PARD6G: variants seen among roughly 807,000 people sequenced by gnomAD.
PARD6G encodes the protein par-6 family cell polarity regulator gamma.
Under a neutral mutation model 10.7 loss-of-function variants are expected in PARD6G, and 7 were observed. The observed-to-expected ratio is 0.66, with a 90% CI of 0.37 to 1.23. The LOEUF (loss-of-function observed/expected upper bound fraction) is 1.23, where lower values mean the gene tolerates loss of function less well. Ranked by LOEUF, PARD6G falls within the 50% of genes most tolerant of loss-of-function variation. The probability of loss-of-function intolerance (pLI) is 0.02; values close to 1 mark genes in which losing one functional copy is unlikely to be tolerated. For missense variants in PARD6G, 548 were observed against 571.8 expected (o/e 0.96, Z 0.42); for synonymous variants, 287 against 269.4 (o/e 1.07, Z -0.64).
intron 2 of PARD6G, among the ~76,000 whole-genome samples, chr18:80,186,363 TCG>T: frequency 3.1e-5 from 1 of 31,994 alleles, no homozygotes; most frequent in African/African-American, 1.1e-4. Context: ...TCACACATGC[TCG>T]CACACCCACA....
chr18:80,227,792 G>C (rs1967309054), intron 1 of PARD6G, among the ~76,000 whole-genome samples: 1 of 152,026 alleles, frequency 6.6e-6, no homozygotes. Context: ...ACCCCAGAAA[G>C]AGAAGAGCAT....
In PARD6G at chr18:80,157,933, T is replaced by C. The variant is rs1181567995; in HGVS notation, c.*1838A>G. On this transcript the variant is annotated 3_prime_UTR_variant, in exon 3 of 3. Coordinates refer to ENST00000353265, the MANE Select transcript of PARD6G (RefSeq NM_032510.4). ...GACAGTTCTGCCACTGACCAGCAGG[T>C]GGTGCTGGACCACAAGGAGAAGCAG... The C allele has an allele frequency of 6.6e-6, 1 of 152,338 alleles. No homozygotes were observed. The highest frequency in any genetic ancestry group is 1.5e-5 in the Non-Finnish European group (1 of 68,034). The allele number at this position is 152,338 out of a possible 1,614,324, so 9.4% of individuals were successfully genotyped here.
chr18:80,198,510 T>C (rs1212198085), intron 2 of PARD6G, among the ~76,000 whole-genome samples: 2 of 152,166 alleles, frequency 1.3e-5, no homozygotes. Context: ...AAATATCTCA[T>C]TTTTATTGGT....
chr18:80,236,978 G>T (rs1346144578), intron 1 of PARD6G, among the ~76,000 whole-genome samples: 1 of 151,882 alleles, frequency 6.6e-6, no homozygotes, highest in Admixed American at 6.6e-5. Flanking sequence ...ATGACTTTCT[G>T]CACAGAATTG....
intron 1 of PARD6G, among the ~76,000 whole-genome samples, chr18:80,219,291 C>T (rs1271589724): frequency 6.6e-6 from 1 of 152,206 alleles, no homozygotes; most frequent in African/African-American, 2.4e-5. Context: ...TCACTGCAAC[C>T]TCTGCCTCCC....
intron 2 of PARD6G, among the ~76,000 whole-genome samples, chr18:80,177,015 G>A (rs572094980): frequency 1.4e-4 from 14 of 96,956 alleles, no homozygotes; most frequent in East Asian, 9.4e-4. Context: ...AAGCACGTGC[G>A]CGCGCGCGTG....
At chr18:80,170,789 A>T (rs1156335390) in intron 2 of PARD6G, 1 of 152,246 alleles carries the variant, frequency 6.6e-6, no homozygotes, top group Non-Finnish European at 1.5e-5. Context: ...ATGGTGCATA[A>T]TTATTAACTT....
intron 1 of PARD6G, among the ~76,000 whole-genome samples, chr18:80,221,294 G>C (rs776978560): frequency 2.9e-4 from 44 of 152,136 alleles, no homozygotes; most frequent in Admixed American, 2.8e-3. Flanking sequence ...GTTATGAATA[G>C]AGACACAAAA....
chr18:80,209,673 G>A lies in PARD6G; in HGVS notation c.73-6741C>T, dbSNP rs572358686. Among the ~76,000 whole-genome samples the A allele has an allele frequency of 2.8e-4, 42 of 152,200 alleles. No homozygotes were observed. In the South Asian group the frequency reaches 7.5e-3, roughly 27 times the overall value. ...AGAAAAGTACAAAAATTAGCCAGGC[G>A]TGGTGGCACACGCCTGTAGTCTCAA... is the stretch of plus-strand genomic sequence containing the variant. On this transcript the variant is annotated intron_variant, in intron 1 of 2. Transcript: ENST00000353265.
chr18:80,229,353 C>G (rs1967333571), intron 1 of PARD6G, among the ~76,000 whole-genome samples: 1 of 152,248 alleles, frequency 6.6e-6, no homozygotes, highest in African/African-American at 2.4e-5. Flanking sequence ...CCAGTTAGGT[C>G]AGAAATTACC....
At chr18:80,240,744 G>T (rs1341756239) in intron 1 of PARD6G, among the ~76,000 whole-genome samples, 1 of 152,142 alleles carries the variant, frequency 6.6e-6, no homozygotes, top group Non-Finnish European at 1.5e-5. Context: ...TGGTCTTGCG[G>T]GGTGGTGGGA....
chr18:80,229,561 A>C (rs891052885), intron 1 of PARD6G, among the ~76,000 whole-genome samples: 2 of 152,182 alleles, frequency 1.3e-5, no homozygotes, highest in Non-Finnish European at 2.9e-5. Flanking sequence ...AATGCTCTAC[A>C]CCAGACCCGG....
chr18:80,176,058 C>T (rs2052806366), intron 2 of PARD6G: 1 of 165,504 alleles, frequency 6.0e-6, no homozygotes, highest in African/African-American at 2.4e-5. Context: ...GGGAGGTGAC[C>T]CAGAGGTGGA....
intron 1 of PARD6G, among the ~76,000 whole-genome samples, chr18:80,215,295 T>C (rs1290646071): frequency 1.3e-5 from 2 of 152,118 alleles, no homozygotes; most frequent in Non-Finnish European, 2.9e-5. Flanking sequence ...TACACATAAC[T>C]TGAATCTACA....
rs1674026103 is a variant in PARD6G, at chr18:80,188,727, T to C, written c.295+13983A>G. On this transcript the variant is annotated intron_variant, in intron 2 of 2. Coordinates refer to ENST00000353265, the MANE Select transcript of PARD6G (RefSeq NM_032510.4). This position sits in a 1 kb window ranked among gnomAD's most constrained non-coding sequence, Gnocchi z 5.4. Reference sequence around the variant, plus strand: ...TCACACGGCTTCTCAGGGGCCTGCATCTCAGAAGATGGGCAGCTCTCGGCC... The same window carrying C: ...TCACACGGCTTCTCAGGGGCCTGCACCTCAGAAGATGGGCAGCTCTCGGCC... 6.6e-6 allele frequency among the ~76,000 whole-genome samples: 1 copy of C among 152,186 alleles called. No homozygotes were observed. Among genetic ancestry groups the C allele is most frequent in the African/African-American group, 2.4e-5 (1 of 41,446 alleles).
chr18:80,224,655 G>A (rs1380140581), intron 1 of PARD6G, among the ~76,000 whole-genome samples: 1 of 152,148 alleles, frequency 6.6e-6, no homozygotes, highest in Non-Finnish European at 1.5e-5. Context: ...AGACCAACCT[G>A]GCTAACACGG....
At chr18:80,214,849 T>C (rs1238265244) in intron 1 of PARD6G, among the ~76,000 whole-genome samples, 1 of 152,164 alleles carries the variant, frequency 6.6e-6, no homozygotes, top group Admixed American at 6.5e-5. Context: ...AATTAATCTA[T>C]ATATTTTTAA....
intron 1 of PARD6G, among the ~76,000 whole-genome samples, chr18:80,213,681 G>A (rs577077744): frequency 3.3e-4 from 51 of 152,250 alleles, no homozygotes; most frequent in African/African-American, 1.1e-3. Context: ...AGTTTTGGCC[G>A]GGTGCAGTGG....
chr18:80,179,144 G>A (rs1207395163), intron 2 of PARD6G, among the ~76,000 whole-genome samples: 1 of 152,006 alleles, frequency 6.6e-6, no homozygotes, highest in Non-Finnish European at 1.5e-5. Flanking sequence ...ACCAGAAGCC[G>A]GCCCAGTGCC....
Sources: allele counts gnomAD v4.1 joint callset (sites outside exome capture counted in the v4.1 genomes callset), GRCh38; gene constraint gnomAD v4.1.1; non-coding constraint Gnocchi (gnomAD v3.1); transcripts MANE v1.5; gene names NCBI Gene and HGNC (gene_info 2026-07-23, HGNC 2026-07-21).